The following CAMK2D variants were observed in gnomAD, a reference collection of about 807,000 sequenced individuals.
CAMK2D encodes the protein calcium/calmodulin-dependent protein kinase type II subunit delta.
Under a neutral mutation model 84.0 loss-of-function variants are expected in CAMK2D, and 37 were observed. The ratio of observed to expected loss-of-function variants is 0.44; its 90% confidence interval spans 0.34 to 0.58. The LOEUF is 0.58. CAMK2D is among the 20% of genes least tolerant of loss of function. The probability of loss-of-function intolerance (pLI) is 0.02; values close to 1 mark genes in which losing one functional copy is unlikely to be tolerated. For missense variants in CAMK2D, 448 were observed against 652.5 expected (o/e 0.69, Z 3.41); for synonymous variants, 202 against 212.5 (o/e 0.95, Z 0.43).
intron 2 of CAMK2D, among the ~76,000 whole-genome samples, chr4:113,678,614 G>T (rs1466592804): frequency 6.6e-6 from 1 of 151,842 alleles, no homozygotes; most frequent in Non-Finnish European, 1.5e-5. Flanking sequence ...TTTATGTCGG[G>T]AACATACAAA....
chr4:113,495,813 G>GGAT (rs2097920015), intron 16 of CAMK2D, among the ~76,000 whole-genome samples: 1 of 152,096 alleles, frequency 6.6e-6, no homozygotes, highest in Non-Finnish European at 1.5e-5. Context: ...TGTGTAAGAA[G>GGAT]GATGAAATGC....
chr4:113,542,960 C>T (rs960085917), intron 6 of CAMK2D, among the ~76,000 whole-genome samples: 2 of 152,156 alleles, frequency 1.3e-5, no homozygotes, highest in African/African-American at 4.8e-5. Flanking sequence ...GTAAAGGCAG[C>T]ATTCTCTGCC....
chr4:113,560,786 C>A (rs188213906), intron 4 of CAMK2D, among the ~76,000 whole-genome samples: 3 of 152,288 alleles, frequency 2.0e-5, no homozygotes, highest in Admixed American at 2.0e-4. Context: ...ATGAAGAATT[C>A]TTGCTATTTC....
chr4:113,627,008 G>C (rs2099070822), intron 3 of CAMK2D, among the ~76,000 whole-genome samples: 1 of 152,070 alleles, frequency 6.6e-6, no homozygotes, highest in South Asian at 2.1e-4. Context: ...ATTTTTCATA[G>C]AGATTTGTAA....
chr4:113,754,260 T>G (rs551893785), intron 2 of CAMK2D: 1 of 976,956 alleles, frequency 1.0e-6, no homozygotes, highest in African/African-American at 1.8e-5. Flanking sequence ...CCCTAATAAA[T>G]GGGGAAGACT....
chr4:113,726,270 G>C (rs374632577), intron 2 of CAMK2D, among the ~76,000 whole-genome samples: 1 of 149,338 alleles, frequency 6.7e-6, no homozygotes, highest in Non-Finnish European at 1.5e-5. Context: ...ACTCTCATTA[G>C]TTTTGTTGTA....
intron 16 of CAMK2D, among the ~76,000 whole-genome samples, chr4:113,474,636 T>A (rs528162740): frequency 6.7e-6 from 1 of 150,326 alleles, no homozygotes; most frequent in South Asian, 2.1e-4. Flanking sequence ...GTCAAGAGTT[T>A]ATTTATTTAT....
chr4:113,714,662 CCTT>C (rs1228973319), intron 2 of CAMK2D, among the ~76,000 whole-genome samples: 1 of 152,088 alleles, frequency 6.6e-6, no homozygotes, highest in African/African-American at 2.4e-5. Context: ...TACAAACAGA[CCTT>C]CTTAAACTAA....
chr4:113,643,524 G>C (rs1018696151), intron 3 of CAMK2D, among the ~76,000 whole-genome samples: 1 of 152,254 alleles, frequency 6.6e-6, no homozygotes, highest in African/African-American at 2.4e-5. Flanking sequence ...ACAGGGTCCG[G>C]ACTGTGTTCA....
At chr4:113,679,870 A>G (rs2099335532) in intron 2 of CAMK2D, among the ~76,000 whole-genome samples, 1 of 152,174 alleles carries the variant, frequency 6.6e-6, no homozygotes, top group Non-Finnish European at 1.5e-5. Context: ...GGCCTCTCAC[A>G]ATGATTTATT....
intron 17 of CAMK2D, among the ~76,000 whole-genome samples, chr4:113,462,330 GTCTGTCTGTCTATCTATCTA>G (rs2097396196): frequency 1.5e-5 from 2 of 129,348 alleles, no homozygotes; most frequent in African/African-American, 2.9e-5. Flanking sequence ...CTGTCTGTCT[GTCTGTCTGTCTATCTATCTA>G]TCTATCTATC....
chr4:113,541,393 C>T (rs1364236054), intron 6 of CAMK2D, among the ~76,000 whole-genome samples: 1 of 152,156 alleles, frequency 6.6e-6, no homozygotes, highest in Non-Finnish European at 1.5e-5. Context: ...ATATTTACTA[C>T]CCATATCCAA....
chr4:113,711,260 G>A (rs2099491609), intron 2 of CAMK2D, among the ~76,000 whole-genome samples: 1 of 151,222 alleles, frequency 6.6e-6, no homozygotes, highest in Admixed American at 6.6e-5. Flanking sequence ...TAGCCTATAT[G>A]TATGCACAGT....
At chr4:113,663,337 G>A (rs961106181) in intron 2 of CAMK2D, among the ~76,000 whole-genome samples, 3 of 152,012 alleles carry the variant, frequency 2.0e-5, no homozygotes, top group South Asian at 4.1e-4. Context: ...TGTAATCCCC[G>A]CACTTTGGTA....
chr4:113,543,516 G>A (rs890337807), intron 6 of CAMK2D, among the ~76,000 whole-genome samples: 14 of 151,636 alleles, frequency 9.2e-5, no homozygotes, highest in African/African-American at 2.9e-4. Context: ...CCACTGCACC[G>A]GGCCTACATA....
intron 3 of CAMK2D, among the ~76,000 whole-genome samples, chr4:113,611,244 A>C (rs2098999151): frequency 6.6e-6 from 1 of 152,148 alleles, no homozygotes; most frequent in South Asian, 2.1e-4. Flanking sequence ...TGCATCTTCT[A>C]ATGATCATTT....
chr4:113,719,359 C>T (rs1469143343), intron 2 of CAMK2D, among the ~76,000 whole-genome samples: 1 of 152,138 alleles, frequency 6.6e-6, no homozygotes, highest in Non-Finnish European at 1.5e-5. Flanking sequence ...CTGAAGTAAC[C>T]TGATATTAAC....
At chr4:113,738,105 T>C (rs1336384714) in intron 2 of CAMK2D, among the ~76,000 whole-genome samples, 4 of 151,844 alleles carry the variant, frequency 2.6e-5, no homozygotes, top group African/African-American at 9.7e-5. Flanking sequence ...TTGCTAATGT[T>C]AGAAATCAAA....
chr4:113,485,720 T>C (rs2097759793), intron 16 of CAMK2D, among the ~76,000 whole-genome samples: 1 of 152,230 alleles, frequency 6.6e-6, no homozygotes, highest in Non-Finnish European at 1.5e-5. Context: ...TTGTCTATGA[T>C]GTATGCCTCT....
Sources: gnomAD v4.1 joint callset for allele counts (sites outside exome capture counted in the v4.1 genomes callset) on GRCh38, gnomAD v4.1.1 for gene constraint, MANE v1.5 for transcripts, NCBI Gene and HGNC (gene_info 2026-07-23, HGNC 2026-07-21) for gene names.